Variants in SZT2 observed in about 807,000 individuals in gnomAD.
SZT2 encodes the protein SZT2 subunit of KICSTOR complex.
In SZT2, 216 loss-of-function variants were observed where a neutral mutation model predicts 404.2. The observed-to-expected ratio is 0.53, with a 90% confidence interval of 0.48 to 0.60. The LOEUF is 0.60. SZT2 is among the 20% of genes least tolerant of loss of function. The pLI, the probability that SZT2 is intolerant of heterozygous loss-of-function variation, is 0.00. For missense variants in SZT2, 3,857 were observed against 4,459.2 expected, an observed-to-expected ratio of 0.86 and a Z score of 3.85; for synonymous variants, 1,693 against 1,749.9, an observed-to-expected ratio of 0.97 and a Z score of 0.81.
At chr1:43,397,898 C>T (rs531651627) in intron 1 of SZT2, among the ~76,000 whole-genome samples, 1 of 152,236 alleles carries the variant, frequency 6.6e-6, no homozygotes, top group South Asian at 2.1e-4. Flanking sequence ...GTGTGAATGC[C>T]CAACATAGGA....
chr1:43,401,150 C>G (rs1026706242), intron 1 of SZT2, among the ~76,000 whole-genome samples: 4 of 152,086 alleles, frequency 2.6e-5, no homozygotes, highest in African/African-American at 9.7e-5. Context: ...GTCTTGAACT[C>G]CTAGGTGCAA....
chr1:43,430,531 G>T lies in SZT2; in HGVS notation c.4516G>T (p.Asp1506Tyr). 6.2e-7 allele frequency: 1 copy of T among 1,614,194 alleles called. No homozygotes were observed. Among genetic ancestry groups the T allele is most frequent in the South Asian group, 1.1e-5 (1 of 91,066 alleles). Residue 1506 changes from aspartate to tyrosine, a missense_variant, in exon 32 of 72, where the codon GAC (aspartate) becomes TAC (tyrosine). Transcript: ENST00000634258. ...TSACCVVTES[D>Y]PELEVEYRES... ...TGCCTGCTGTGTGGTCACTGAGAGTGACCCAGAGCTAGAGGTAGAATACCG... is the reference window on the plus strand; with the variant it reads ...TGCCTGCTGTGTGGTCACTGAGAGTTACCCAGAGCTAGAGGTAGAATACCG...
chr1:43,401,180 CTCCCAAAGTGT>C (rs1266210746), intron 1 of SZT2, among the ~76,000 whole-genome samples: 2 of 152,188 alleles, frequency 1.3e-5, no homozygotes, highest in African/African-American at 4.8e-5. Flanking sequence ...CCACCTCAAT[CTCCCAAAGTGT>C]TGGGGTTATA....
In SZT2 at chr1:43,451,384, C is replaced by T. The variant is rs765597580; in HGVS notation, c.*904C>T. The T allele has an allele frequency of 5.6e-6, 9 of 1,611,930 alleles. No homozygotes were observed. The Admixed American group carries it at 1.2e-4, about 21-fold the overall frequency. On this transcript the variant is annotated 3_prime_UTR_variant, in exon 72 of 72. Transcript: ENST00000634258. ...AGCCCCTGTCCGGGTCCCTCCAGAG[C>T]TCCCTTCCCCAGGGCCACGCCTCAC...
chr1:43,404,359 G>A lies in SZT2; in HGVS notation c.328-21G>A, dbSNP rs1032117227. ...TAGGGCTGCCTTTGGACCCCCTTGA[G>A]TGCTCTTTCTCTGCCCTCAGGATGA... On this transcript the variant is annotated intron_variant, in intron 3 of 71. Transcript: ENST00000634258. 21 of 1,602,716 alleles carry A rather than the reference G, an allele frequency of 1.3e-5. No individual in the cohort carries two copies. The Admixed American group carries it at 1.7e-4, about 13-fold the overall frequency.
chr1:43,402,272 G>T (rs1481567591), intron 1 of SZT2, among the ~76,000 whole-genome samples: 1 of 152,200 alleles, frequency 6.6e-6, no homozygotes, highest in Non-Finnish European at 1.5e-5. Flanking sequence ...CATTAATCAG[G>T]AAGAGACATT....
In SZT2 at chr1:43,425,370, C is replaced by G. The variant is rs1653017197; in HGVS notation, c.2646-104C>G. 3 of 1,549,388 alleles carry G rather than the reference C, an allele frequency of 1.9e-6. No homozygotes were observed. Among genetic ancestry groups the G allele is most frequent in the Non-Finnish European group, 2.6e-6 (3 of 1,135,452 alleles). ...CAGGCAGACGCTGGTCTGGGAAGGC[C>G]TTGTATGACTCGTGGCTGTCCTCTG... is the stretch of plus-strand genomic sequence containing the variant. On this transcript the variant is annotated intron_variant, in intron 18 of 71. Coordinates refer to ENST00000634258, the MANE Select transcript of SZT2 (RefSeq NM_001365999.1). This position sits in a 1 kb window ranked among gnomAD's most constrained non-coding sequence, Gnocchi z 4.3.
chr1:43,416,531 C>A lies in SZT2; in HGVS notation c.773-4C>A. ...CAGGTCTGATCTGGTGTTTCCTGCT[C>A]CAGGGATTATCGTGATCACGGATGG... On this transcript the variant is annotated splice_polypyrimidine_tract_variant and splice_region_variant and intron_variant, in intron 6 of 71. Transcript: ENST00000634258. The A allele has an allele frequency of 6.3e-7, 1 of 1,597,650 alleles. No homozygotes were observed. The highest frequency in any genetic ancestry group is 1.1e-5 in the South Asian group (1 of 90,840).
Position 43,441,631 on chromosome 1 carries a change from C to G in SZT2, c.7609+30C>G. The G allele has an allele frequency of 6.2e-7, 1 of 1,613,950 alleles. No homozygotes were observed. Among genetic ancestry groups the G allele is most frequent in the Middle Eastern group, 1.7e-4 (1 of 6,058 alleles). On this transcript the variant is annotated intron_variant, in intron 54 of 71. Coordinates refer to ENST00000634258, the MANE Select transcript of SZT2 (RefSeq NM_001365999.1). The surrounding 1 kb of genome is among the most constrained non-coding windows in gnomAD (Gnocchi z 4.8). ...GACCCCAGCCTCCCCTCCCATCCCT[C>G]AACCCCAGCCTGGTCTCCATCCTGC...
At chr1:43,390,715 G>C (rs1251475782) in intron 1 of SZT2, among the ~76,000 whole-genome samples, 1 of 152,220 alleles carries the variant, frequency 6.6e-6, no homozygotes, top group African/African-American at 2.4e-5. Context: ...ACTGAAAAAT[G>C]AGAAAGATTT....
rs1231996355 is a variant in SZT2 at position 43,453,851 on chromosome 1, C to CGGCGGGCGGCG, written c.*3378_*3388dup. 1.2e-5 allele frequency: 13 copies of CGGCGGGCGGCG among 1,080,102 alleles called. No individual in the cohort carries two copies. In the South Asian group the frequency reaches 5.0e-4, roughly 42 times the overall value. 66.9% of individuals were successfully genotyped at this position (1,080,102 alleles called of 1,614,324 possible). A position where few individuals can be genotyped will look rare whatever the true frequency, so the allele number is the denominator to read the frequency against. ...GGATCCAAAGGCGGCGGGCGGCGGGCGGCGGGCGGCGGGCGGGGGCGGGGC... is the reference window on the plus strand; with the variant it reads ...GGATCCAAAGGCGGCGGGCGGCGGGCGGCGGGCGGCGGGCGGGCGGCGGGCGGGGGCGGGGC... On this transcript the variant is annotated 3_prime_UTR_variant, in exon 72 of 72. Transcript: ENST00000634258.
rs1326540286 is a variant in SZT2 at position 43,448,062 on chromosome 1, C to G, written c.9564-17C>G. The G allele has an allele frequency of 1.9e-6, 3 of 1,601,924 alleles. No individual in the cohort carries two copies. The highest frequency in any genetic ancestry group is 4.5e-5 in the East Asian group (2 of 44,650). On this transcript the variant is annotated splice_polypyrimidine_tract_variant and intron_variant, in intron 68 of 71. Transcript: ENST00000634258. This position sits in a 1 kb window ranked among gnomAD's most constrained non-coding sequence, Gnocchi z 4.2. ...CTTGCTACAACCACCACTCTCCTGC[C>G]CTGCTCCCCACCCCAGGCTACAGTT...
At chr1:43,392,695 G>A (rs1328637553) in intron 1 of SZT2, among the ~76,000 whole-genome samples, 2 of 152,168 alleles carry the variant, frequency 1.3e-5, no homozygotes, top group Non-Finnish European at 2.9e-5. Context: ...TTACAGGCGT[G>A]AGCCACCGTG....
chr1:43,422,806 C>T lies in SZT2; in HGVS notation c.1960C>T (p.Arg654Cys), dbSNP rs776463612. ...DQPPNSFYMV[R>C]IISKAPCMVL... ...GCCCCCCAATTCCTTCTACATGGTC[C>T]GTATCATTTCCAAGGCCCCATGCAT... The change falls in exon 14 of 72, where the codon CGT becomes TGT. Residue 654 changes from arginine (R) to cysteine (C), a missense_variant. Arg to Cys is a radical substitution (Grantham distance 180). Around this residue, in one of 7 missense-constraint regions of SZT2, gnomAD observed 1,725 missense variants for 1,881.0 expected, o/e 0.92. Transcript: ENST00000634258. 6.9e-6 allele frequency: 11 copies of T among 1,593,636 alleles called. No individual in the cohort carries two copies. Among genetic ancestry groups the T allele is most frequent in the African/African-American group, 4.0e-5 (3 of 74,666 alleles).
intron 66 of SZT2, 133 bp downstream of exon 66, chr1:43,447,301 G>A (rs975982766): frequency 6.1e-6 from 7 of 1,150,234 alleles, no homozygotes; most frequent in African/African-American, 1.5e-5. Context: ...CACATACCAC[G>A]TCCCCATGTT....
At chr1:43,414,453 A>G (rs2782638) in intron 4 of SZT2, among the ~76,000 whole-genome samples, 53,297 of 151,756 alleles carry the variant, frequency 0.35, 9,820 homozygotes, top group Middle Eastern at 0.45. Flanking sequence ...ATACAGTCTC[A>G]CTCTGTAGCC....
At chr1:43,399,745 G>A (rs1414382366) in intron 1 of SZT2, among the ~76,000 whole-genome samples, 1 of 151,824 alleles carries the variant, frequency 6.6e-6, no homozygotes, top group African/African-American at 2.4e-5. Flanking sequence ...ACAGACGTGA[G>A]CCATGGTGCC....
Position 43,448,100 on chromosome 1 carries a change from C to A in SZT2, c.9585C>A (p.Leu3195=), listed in dbSNP as rs377674000. ...HVLRLQFFVV[L]TSQRELFPRL... is the part of the protein sequence containing the mutation. ...CCAGGCTACAGTTCTTCGTGGTGCT[C>A]ACCAGCCAGCGAGAGCTCTTCCCCA... Residue 3195 remains leucine (L), a synonymous_variant, in exon 69 of 72, where the codon CTC becomes CTA. Transcript: ENST00000634258. The surrounding 1 kb of genome is among the most constrained non-coding windows in gnomAD (Gnocchi z 4.2). 1.4e-5 allele frequency: 23 copies of A among 1,596,992 alleles called. No homozygotes were observed. The highest frequency in any genetic ancestry group is 1.9e-5 in the Non-Finnish European group (22 of 1,168,960).
chr1:43,424,121 G>A lies in SZT2; in HGVS notation c.2256-96G>A. On this transcript the variant is annotated intron_variant, in intron 15 of 71. Coordinates refer to ENST00000634258, the MANE Select transcript of SZT2 (RefSeq NM_001365999.1). The surrounding 1 kb of genome is among the most constrained non-coding windows in gnomAD (Gnocchi z 4.1). ...ATCAGTGGTACAGAGGTGTGGAAGG[G>A]CGTGGCTTAGCCAGCTGTGAGTGGT... The A allele has an allele frequency of 9.7e-7, 1 of 1,030,536 alleles. No individual in the cohort carries two copies. The allele number at this position is 1,030,536 out of a possible 1,614,324, so 63.8% of individuals were successfully genotyped here.
Sources: gnomAD v4.1 joint callset for allele counts (sites outside exome capture counted in the v4.1 genomes callset) on GRCh38, gnomAD v4.1.1 for gene constraint, gnomAD v4.1.1 regional missense constraint, Gnocchi (gnomAD v3.1) non-coding constraint, MANE v1.5 for transcripts, NCBI Gene and HGNC (gene_info 2026-07-23, HGNC 2026-07-21) for gene names.